Variants in GPR149 observed in about 807,000 individuals in gnomAD.
GPR149 encodes G protein-coupled receptor 149, also known as probable G protein-coupled receptor 149.
Under a neutral mutation model 50.2 loss-of-function variants are expected in GPR149, and 50 were observed. That is an observed-to-expected ratio of 1.00 (90% confidence interval 0.79 to 1.26). The LOEUF is 1.26. Among genes scored for constraint, GPR149 ranks in the 50% most tolerant of loss-of-function variants. GPR149 has a pLI of 0.00. For synonymous variants in GPR149, 405 were observed against 358.2 expected (o/e 1.13, Z -1.48); for missense variants, 983 against 895.4 (o/e 1.10, Z -1.25).
intron 3 of GPR149, chr3:154,354,324 C>T (rs1714162816): frequency 7.5e-6 from 2 of 265,152 alleles, no homozygotes; most frequent in African/African-American, 2.4e-5. Context: ...GGTCTATAAT[C>T]CCTTATCTGA....
chr3:154,351,416 A>T (rs1414183810), intron 3 of GPR149, among the ~76,000 whole-genome samples: 1 of 151,546 alleles, frequency 6.6e-6, no homozygotes, highest in Admixed American at 6.6e-5. Context: ...TAAATGTAAA[A>T]TGTAAAACTA....
chr3:154,417,235 G>C (rs575640307), intron 3 of GPR149, among the ~76,000 whole-genome samples: 1 of 151,926 alleles, frequency 6.6e-6, no homozygotes, highest in Non-Finnish European at 1.5e-5. Flanking sequence ...AAACTGCTTA[G>C]ATTTCTACTT....
At chr3:154,346,028 C>G (rs1713918328) in intron 3 of GPR149, among the ~76,000 whole-genome samples, 1 of 152,166 alleles carries the variant, frequency 6.6e-6, no homozygotes, top group Admixed American at 6.5e-5. Flanking sequence ...TCTGCTCTAG[C>G]TAAGAGTCAG....
At chr3:154,350,958 G>A (rs1259132327) in intron 3 of GPR149, among the ~76,000 whole-genome samples, 2 of 151,948 alleles carry the variant, frequency 1.3e-5, no homozygotes, top group African/African-American at 4.8e-5. Flanking sequence ...TTACTATATT[G>A]TTTAGGGAAT....
intron 3 of GPR149, among the ~76,000 whole-genome samples, chr3:154,389,520 G>A (rs1417411287): frequency 6.6e-6 from 1 of 152,084 alleles, no homozygotes; most frequent in African/African-American, 2.4e-5. Context: ...GCCTTGGAGA[G>A]CTGATGGAAC....
At chr3:154,425,356 G>A (rs1479494169) in intron 2 of GPR149, among the ~76,000 whole-genome samples, 1 of 151,974 alleles carries the variant, frequency 6.6e-6, no homozygotes, top group African/African-American at 2.4e-5. Context: ...TGGACAAAAA[G>A]TTTAAACATA....
intron 3 of GPR149, chr3:154,353,492 A>G: frequency 1.1e-6 from 1 of 906,798 alleles, no homozygotes. Context: ...ACAGTTTAGA[A>G]AGATCCAATC....
rs765515014 is a variant in GPR149, at chr3:154,428,983, T to G, written c.633A>C (p.Pro211=). 5 of 1,613,342 alleles carry G rather than the reference T, an allele frequency of 3.1e-6. No homozygotes were observed. In the South Asian group the frequency reaches 3.3e-5, roughly 11 times the overall value. Residue 211 remains proline (P), a synonymous_variant, in exon 1 of 4, where the codon CCA becomes CCC. Coordinates refer to ENST00000389740, the MANE Select transcript of GPR149 (RefSeq NM_001038705.3). ...CCGAACACAGCAATCGGTGAGTGAG[T>G]GGGACTGAGAGGCCCACGAGGAGTC... ...AFGLLVGLSV[P]LTHRLLCSEE...
chr3:154,421,488 CT>C lies in GPR149; in HGVS notation c.1175-2del, dbSNP rs1198411242. ...TTGAATTCAAAGCCTTTTCTCTTGACTGAGTAAAAATAAAAACAACAGTTTA... is the reference window on the plus strand; with the variant it reads ...TTGAATTCAAAGCCTTTTCTCTTGACGAGTAAAAATAAAAACAACAGTTTA... On this transcript the variant is annotated splice_acceptor_variant, in intron 2 of 3. Transcript: ENST00000389740. LOFTEE classifies it high-confidence loss of function. The C allele has an allele frequency of 6.6e-7, 1 of 1,518,624 alleles. No homozygotes were observed. Among genetic ancestry groups the C allele is most frequent in the African/African-American group, 1.4e-5 (1 of 71,656 alleles). The allele number at this position is 1,518,624 out of a possible 1,614,324, so 94.1% of individuals were successfully genotyped here.
intron 3 of GPR149, among the ~76,000 whole-genome samples, chr3:154,400,396 A>C (rs1327872818): frequency 6.6e-6 from 1 of 152,218 alleles, no homozygotes; most frequent in African/African-American, 2.4e-5. Context: ...ATTTCATATA[A>C]TATGTAGTGG....
Position 154,402,449 on chromosome 3 carries a change from T to TAAATAAATAAATAA in GPR149, c.1623+18589_1623+18590insTTATTTATTTATTT, listed in dbSNP as rs1553766101. Among the ~76,000 whole-genome samples, 183 of 56,318 alleles carry TAAATAAATAAATAA rather than the reference T, an allele frequency of 3.2e-3. 2 individuals are homozygous for TAAATAAATAAATAA. The highest frequency in any genetic ancestry group is 0.022 in the Middle Eastern group (2 of 92). The allele number at this position is 56,318 out of a possible 152,430, so 36.9% of individuals were successfully genotyped here. On this transcript the variant is annotated intron_variant, in intron 3 of 3. Coordinates refer to ENST00000389740, the MANE Select transcript of GPR149 (RefSeq NM_001038705.3). ...AAATAAATAAATAAATAAATAAATA[T>TAAATAAATAAATAA]AGAATAGAAAGCAGTGAATTCAACA...
At chr3:154,353,810 C>A in intron 3 of GPR149, 1 of 682,362 alleles carries the variant, frequency 1.5e-6, no homozygotes, top group Non-Finnish European at 2.7e-6. Flanking sequence ...GCTATTAAAT[C>A]TTTTCTTTCA....
intron 3 of GPR149, among the ~76,000 whole-genome samples, chr3:154,389,036 G>A (rs538525742): frequency 1.3e-5 from 2 of 152,068 alleles, no homozygotes; most frequent in South Asian, 2.1e-4. Flanking sequence ...GAAAATATGG[G>A]AGAAAGTGGT....
At chr3:154,391,791 T>G (rs1333106250) in intron 3 of GPR149, among the ~76,000 whole-genome samples, 3 of 151,692 alleles carry the variant, frequency 2.0e-5, no homozygotes, top group Non-Finnish European at 4.4e-5. Context: ...AAGTTTAGAT[T>G]TAAGGACACA....
At chr3:154,423,526 G>C (rs1712205091) in intron 2 of GPR149, among the ~76,000 whole-genome samples, 1 of 151,874 alleles carries the variant, frequency 6.6e-6, no homozygotes, top group Non-Finnish European at 1.5e-5. Context: ...AACATTTCTT[G>C]TTAGTGACTT....
chr3:154,402,366 TG>T (rs1711567263), intron 3 of GPR149, among the ~76,000 whole-genome samples: 1 of 151,656 alleles, frequency 6.6e-6, no homozygotes, highest in African/African-American at 2.4e-5. Flanking sequence ...TGGTGAGCTA[TG>T]ATCATACCAC....
At chr3:154,377,003 CA>C (rs1714806967) in intron 3 of GPR149, among the ~76,000 whole-genome samples, 1 of 142,102 alleles carries the variant, frequency 7.0e-6, no homozygotes, top group African/African-American at 2.6e-5. Context: ...CTGTATACTT[CA>C]AAAATATTAG....
At chr3:154,399,851 C>G (rs1261081256) in intron 3 of GPR149, among the ~76,000 whole-genome samples, 1 of 152,154 alleles carries the variant, frequency 6.6e-6, no homozygotes, top group Non-Finnish European at 1.5e-5. Context: ...GTTGCTTTCA[C>G]TGAAATTTAT....
chr3:154,358,254 G>T (rs1050332081), intron 3 of GPR149, among the ~76,000 whole-genome samples: 1 of 151,754 alleles, frequency 6.6e-6, no homozygotes, highest in East Asian at 1.9e-4. Context: ...ACTAACCTGC[G>T]CATTGTGCAC....
Sources: gnomAD v4.1 joint callset for allele counts (sites outside exome capture counted in the v4.1 genomes callset) on GRCh38, gnomAD v4.1.1 for gene constraint, MANE v1.5 for transcripts, NCBI Gene and HGNC (gene_info 2026-07-23, HGNC 2026-07-21) for gene names.